Variants in CDKL1 observed in about 807,000 individuals in gnomAD.
CDKL1 encodes cyclin-dependent kinase-like 1.
Under a neutral mutation model 42.0 loss-of-function variants are expected in CDKL1, and 41 were observed. The observed-to-expected ratio is 0.98, with a 90% confidence interval of 0.76 to 1.27. CDKL1 has a LOEUF of 1.27. Ranked by LOEUF, CDKL1 falls within the 50% of genes most tolerant of loss-of-function variation. CDKL1 has a pLI of 0.00. For missense variants in CDKL1, 394 were observed against 428.4 expected (o/e 0.92, Z 0.71); for synonymous variants, 153 against 158.6 (o/e 0.96, Z 0.26).
At chr14:50,356,368 C>T (rs554182998) in intron 3 of CDKL1, among the ~76,000 whole-genome samples, 1 of 152,312 alleles carries the variant, frequency 6.6e-6, no homozygotes, top group East Asian at 1.9e-4. Context: ...AATGCTAACT[C>T]ACCTTTACTG....
chr14:50,381,078 G>C (rs6572666), intron 2 of CDKL1, among the ~76,000 whole-genome samples: 57,647 of 152,002 alleles, frequency 0.38, 11,255 homozygotes, highest in East Asian at 0.61. Context: ...ACAGCCCTTG[G>C]GCACTGCTCT....
rs368170212 is a variant in CDKL1, at chr14:50,380,802, C to CTTTGTTTTTTTGTTTTT, written c.168+14898_168+14899insAAAAACAAAAAAACAAA. ...ATGGCCTGGGGCATGCTGTGACTTC[C>CTTTGTTTTTTTGTTTTT]TTTTTTTTTTGGGACAGAGCCTTGT... On this transcript the variant is annotated intron_variant, in intron 2 of 9. Coordinates refer to ENST00000395834, the MANE Select transcript of CDKL1 (RefSeq NM_004196.7). 2.2e-5 allele frequency among the ~76,000 whole-genome samples: 3 copies of CTTTGTTTTTTTGTTTTT among 134,604 alleles called. No individual in the cohort carries two copies. The Admixed American group carries it at 2.3e-4, about 10-fold the overall frequency. 88.3% of individuals were successfully genotyped at this position (134,604 alleles called of 152,430 possible).
rs1409472053 is a variant in CDKL1, at chr14:50,326,444, T to G, written c.*3630A>C. 1 of 984,732 alleles carries G rather than the reference T, an allele frequency of 1.0e-6. No individual in the cohort carries two copies. Among genetic ancestry groups the G allele is most frequent in the African/African-American group, 1.7e-5 (1 of 57,214 alleles). 61.0% of individuals were successfully genotyped at this position (984,732 alleles called of 1,614,324 possible). A position where few individuals can be genotyped will look rare whatever the true frequency, so the allele number is the denominator to read the frequency against. Reference sequence around the variant, plus strand: ...TGCACAATTATGAAAAATTAGAAGCTAAATTACAGATTCATTGATGGAGTC... The same window carrying G: ...TGCACAATTATGAAAAATTAGAAGCGAAATTACAGATTCATTGATGGAGTC... On this transcript the variant is annotated 3_prime_UTR_variant, in exon 10 of 10. Transcript: ENST00000395834.
At chr14:50,376,798 C>A (rs1309536717) in intron 2 of CDKL1, among the ~76,000 whole-genome samples, 1 of 152,060 alleles carries the variant, frequency 6.6e-6, no homozygotes, top group Non-Finnish European at 1.5e-5. Context: ...ATATACTTAA[C>A]AAAACTGACA....
chr14:50,332,965 A>T (rs2033049057), intron 8 of CDKL1: 1 of 281,644 alleles, frequency 3.6e-6, no homozygotes, highest in African/African-American at 2.4e-5. Context: ...ATAAGTATAT[A>T]TGATCATGTA....
At chr14:50,390,686 C>T (rs184632754) in intron 2 of CDKL1, among the ~76,000 whole-genome samples, 1 of 152,324 alleles carries the variant, frequency 6.6e-6, no homozygotes, top group African/African-American at 2.4e-5. Flanking sequence ...TTTTGAACCA[C>T]ATAGCCCTTT....
At position 50,326,768 on chromosome 14, in the gene CDKL1, C is replaced by T. The variant is rs111453906; in HGVS notation, c.*3306G>A. 5.2e-5 allele frequency: 51 copies of T among 985,102 alleles called. No individual in the cohort carries two copies. The African/African-American group carries it at 7.2e-4, about 14-fold the overall frequency. 61.0% of individuals were successfully genotyped at this position (985,102 alleles called of 1,614,324 possible). The stretch of plus-strand genomic sequence containing the variant: ...ACCTAACATTGCTTTAGGCTGGGTG[C>T]CGTGGCTCGTGCCTGTAATCCCAGT... On this transcript the variant is annotated 3_prime_UTR_variant, in exon 10 of 10. Transcript: ENST00000395834.
intron 2 of CDKL1, among the ~76,000 whole-genome samples, chr14:50,383,103 AT>A (rs2034968382): frequency 6.6e-6 from 1 of 151,278 alleles, no homozygotes; most frequent in Admixed American, 6.6e-5. Flanking sequence ...AATTTTTTGT[AT>A]TTTTTAGTAG....
chr14:50,367,541 C>T (rs4901022), intron 2 of CDKL1, among the ~76,000 whole-genome samples: 100,001 of 152,044 alleles, frequency 0.66, 33,156 homozygotes, highest in African/African-American at 0.71. Flanking sequence ...GGAGTTCTTT[C>T]GGGACGTACA....
chr14:50,390,270 A>C (rs1214846691), intron 2 of CDKL1: 1 of 1,366,312 alleles, frequency 7.3e-7, no homozygotes, highest in African/African-American at 1.5e-5. Context: ...TAACGCCCCC[A>C]TACCACCTGC....
intron 2 of CDKL1, among the ~76,000 whole-genome samples, chr14:50,386,959 G>A (rs2035099000): frequency 6.6e-6 from 1 of 151,616 alleles, no homozygotes; most frequent in Non-Finnish European, 1.5e-5. Flanking sequence ...TCTGGGAGGT[G>A]GAGGTTGCAG....
chr14:50,358,636 C>CTTTTTTTTTTTATTTTTTTTTTTTTTTTT (rs2034135460), intron 3 of CDKL1, among the ~76,000 whole-genome samples: 1 of 67,646 alleles, frequency 1.5e-5, no homozygotes, highest in Non-Finnish European at 2.8e-5. Context: ...TTTAACTAGT[C>CTTTTTTTTTTTATTTTTTTTTTTTTTTTT]TTTTTTTTTT....
At chr14:50,396,362 G>T (rs2035407217) in intron 1 of CDKL1, 33 bp from the exon 2 acceptor site, 1 of 985,980 alleles carries the variant, frequency 1.0e-6, no homozygotes, top group Admixed American at 6.1e-5. Context: ...AAGGAATGAA[G>T]AGTGTACCCG....
chr14:50,393,653 C>T (rs1179474872), intron 2 of CDKL1, among the ~76,000 whole-genome samples: 2 of 152,064 alleles, frequency 1.3e-5, no homozygotes, highest in African/African-American at 4.8e-5. Context: ...CAGCCTAGTA[C>T]GTATTATGTG....
intron 2 of CDKL1, chr14:50,377,868 G>T: frequency 1.9e-6 from 1 of 523,792 alleles, no homozygotes; most frequent in Non-Finnish European, 3.0e-6. Flanking sequence ...ACAGTCATCT[G>T]TGGGAGTCAG....
chr14:50,358,540 A>T (rs11570815), intron 3 of CDKL1, among the ~76,000 whole-genome samples: 97,612 of 150,228 alleles, frequency 0.65, 31,750 homozygotes, highest in Non-Finnish European at 0.67. Context: ...TAAAGTGACT[A>T]TTTTTTTTAT....
chr14:50,362,913 A>G (rs577754771), intron 2 of CDKL1: 6 of 452,692 alleles, frequency 1.3e-5, no homozygotes, highest in Non-Finnish European at 2.3e-5. Context: ...CACACTGTGG[A>G]AGCTTTGTTC....
chr14:50,342,573 AT>A, intron 4 of CDKL1: 1 of 290,592 alleles, frequency 3.4e-6, no homozygotes, highest in South Asian at 7.8e-5. Context: ...GGATGTACTT[AT>A]ACTAAAAGTT....
chr14:50,376,439 G>A (rs1351203211), intron 2 of CDKL1: 2 of 469,430 alleles, frequency 4.3e-6, no homozygotes, highest in Non-Finnish European at 8.8e-6. Flanking sequence ...CAAAAAATAT[G>A]AAACAACATG....
Sources: allele counts gnomAD v4.1 joint callset (sites outside exome capture counted in the v4.1 genomes callset), GRCh38; gene constraint gnomAD v4.1.1; transcripts MANE v1.5; gene names NCBI Gene and HGNC (gene_info 2026-07-23, HGNC 2026-07-21).